Variants in MTMR10 observed in about 807,000 individuals in gnomAD.
MTMR10 encodes myotubularin related protein 10.
In MTMR10, 56 loss-of-function variants were observed where a neutral mutation model predicts 88.1. The observed-to-expected ratio is 0.64, with a 90% confidence interval of 0.51 to 0.79. The LOEUF (loss-of-function observed/expected upper bound fraction) is 0.79. Ranked by LOEUF, MTMR10 falls within the 30% of genes least tolerant of loss-of-function variation. The pLI is 0.00. For missense variants in MTMR10, 883 were observed against 924.7 expected, an observed-to-expected ratio of 0.95 and a Z score of 0.58; for synonymous variants, 380 against 340.9, an observed-to-expected ratio of 1.11 and a Z score of -1.26.
chr15:30,991,346 C>G (rs2031313311), intron 1 of MTMR10, 101 bp downstream of exon 1: 1 of 1,192,542 alleles, frequency 8.4e-7, no homozygotes, highest in African/African-American at 1.6e-5. Context: ...GGCAGGGAGA[C>G]GCGCGCAGCC....
chr15:30,964,093 C>T (rs1016540216), intron 6 of MTMR10, among the ~76,000 whole-genome samples: 5 of 151,374 alleles, frequency 3.3e-5, no homozygotes, highest in Admixed American at 3.3e-4. Context: ...ATCAAAAAGA[C>T]ATAGCTAAGA....
chr15:30,925,913 A>T, the MTMR10 span: 1 of 1,614,228 alleles, frequency 6.2e-7, no homozygotes, highest in Admixed American at 1.7e-5. Context: ...GCACTGGCCC[A>T]TTACAGACGC....
downstream of MTMR10, among the ~76,000 whole-genome samples, chr15:30,935,395 A>G (rs1237651917): frequency 6.6e-6 from 1 of 152,212 alleles, no homozygotes; most frequent in Non-Finnish European, 1.5e-5. Context: ...CTCTGTATCC[A>G]TGGTTTCTGC....
chr15:30,919,953 T>G, the MTMR10 span, among the ~76,000 whole-genome samples: 1 of 152,144 alleles, frequency 6.6e-6, no homozygotes, highest in Admixed American at 6.5e-5. Context: ...TAATATTGAC[T>G]TAAAAATCAC....
the MTMR10 span, among the ~76,000 whole-genome samples, chr15:30,933,184 G>T: frequency 1.3e-5 from 2 of 151,932 alleles, no homozygotes; most frequent in Non-Finnish European, 2.9e-5. Context: ...GGTTTCATTT[G>T]TTTTTTTATT....
At chr15:30,948,620 TCTAAAATATTA>T (rs1196287050) in intron 12 of MTMR10, 149 bp from the exon 13 acceptor site, 12 of 709,604 alleles carry the variant, frequency 1.7e-5, no homozygotes, top group Non-Finnish European at 2.8e-5. Flanking sequence ...TTCCAGCAAC[TCTAAAATATTA>T]CAGACTTGTA....
chr15:30,963,646 T>TAGAC (rs900046239), intron 6 of MTMR10, among the ~76,000 whole-genome samples: 2 of 148,142 alleles, frequency 1.4e-5, no homozygotes, highest in African/African-American at 5.1e-5. Context: ...CAAAAATAAA[T>TAGAC]AGACAGATAG....
At position 30,940,896 on chromosome 15, in the gene MTMR10, A is replaced by AAGTT. The variant is rs1186915547; in HGVS notation, c.*570_*573dup. On this transcript the variant is annotated 3_prime_UTR_variant, in exon 16 of 16. Transcript: ENST00000435680. ...ATATCATTTTAAAGTTGACCCTATG[A>AAGTT]AGTTAAAAGCAAACTCATGATTTCA... 4 of 1,023,918 alleles carry AAGTT rather than the reference A, an allele frequency of 3.9e-6. No individual in the cohort carries two copies. Among genetic ancestry groups the AAGTT allele is most frequent in the African/African-American group, 1.7e-5 (1 of 57,712 alleles). 63.4% of individuals were successfully genotyped at this position (1,023,918 alleles called of 1,614,324 possible). A position where few individuals can be genotyped will look rare whatever the true frequency, so the allele number is the denominator to read the frequency against.
At chr15:30,936,091 T>A (rs185899144), downstream of MTMR10, among the ~76,000 whole-genome samples, 492 of 148,968 alleles carry the variant, frequency 3.3e-3, 2 homozygotes, top group African/African-American at 0.011. Flanking sequence ...ATTTAAACAA[T>A]TTTTTTCTAT....
chr15:30,926,514 A>AT, the MTMR10 span: 1 of 470,522 alleles, frequency 2.1e-6, no homozygotes, highest in Non-Finnish European at 2.8e-6. Context: ...AACAAGTACT[A>AT]TAGAAAGACA....
At chr15:30,967,184 T>A (rs1296002717) in intron 6 of MTMR10, among the ~76,000 whole-genome samples, 1 of 152,178 alleles carries the variant, frequency 6.6e-6, no homozygotes, top group African/African-American at 2.4e-5. Context: ...TTCGCTCAGT[T>A]AACTGACTTG....
At chr15:30,950,421 G>C (rs2063228240) in intron 12 of MTMR10, 1 of 152,120 alleles carries the variant, frequency 6.6e-6, no homozygotes, top group African/African-American at 2.4e-5. Context: ...TATAATCCTA[G>C]CACTTTGGGA....
In MTMR10 at chr15:30,940,266, G is replaced by A; in HGVS notation, c.*1204C>T. 2.1e-6 allele frequency: 2 copies of A among 973,166 alleles called. No individual in the cohort carries two copies. The highest frequency in any genetic ancestry group is 2.4e-6 in the Non-Finnish European group (2 of 822,920). 60.3% of individuals were successfully genotyped at this position (973,166 alleles called of 1,614,324 possible). ...GTGGTAGGTAGGCTCTTGTCACACA[G>A]TTTGGAAATACTTTACTTTAGAGAG... is the stretch of plus-strand genomic sequence containing the variant. On this transcript the variant is annotated 3_prime_UTR_variant, in exon 16 of 16. Transcript: ENST00000435680.
At chr15:30,932,415 T>C in the MTMR10 span, among the ~76,000 whole-genome samples, 1 of 152,126 alleles carries the variant, frequency 6.6e-6, no homozygotes, top group South Asian at 2.1e-4. Flanking sequence ...TCTTTTCTTA[T>C]TATCTCTTTG....
the MTMR10 span, chr15:30,927,683 G>C: frequency 1.0e-6 from 1 of 985,666 alleles, no homozygotes; most frequent in Non-Finnish European, 1.2e-6. Context: ...CTGGTGGTCA[G>C]CACCTCCTCT....
chr15:30,924,095 C>T, the MTMR10 span, among the ~76,000 whole-genome samples: 15 of 152,282 alleles, frequency 9.9e-5, no homozygotes, highest in East Asian at 1.2e-3. Flanking sequence ...TGGAATCCTA[C>T]GATATTTGTG....
chr15:30,924,159 T>C, the MTMR10 span, among the ~76,000 whole-genome samples: 1 of 152,268 alleles, frequency 6.6e-6, no homozygotes, highest in Admixed American at 6.5e-5. Context: ...TTCACCCGCA[T>C]CGTGGCACAT....
chr15:30,922,583 T>C, the MTMR10 span, among the ~76,000 whole-genome samples: 1 of 152,140 alleles, frequency 6.6e-6, no homozygotes, highest in Non-Finnish European at 1.5e-5. Context: ...ATTGGCGAGA[T>C]GGGCTTACTG....
chr15:30,919,679 ACT>A, the MTMR10 span, among the ~76,000 whole-genome samples: 1 of 145,972 alleles, frequency 6.9e-6, no homozygotes, highest in Non-Finnish European at 1.5e-5. Context: ...ACAGAGCGAG[ACT>A]CTGTCTCGGG....
Sources: allele counts gnomAD v4.1 joint callset (sites outside exome capture counted in the v4.1 genomes callset), GRCh38; gene constraint gnomAD v4.1.1; transcripts MANE v1.5; gene names NCBI Gene and HGNC (gene_info 2026-07-23, HGNC 2026-07-21).